The following SAMD3 variants were observed in gnomAD, a reference collection of about 807,000 sequenced individuals.
SAMD3 encodes sterile alpha motif domain containing 3.
SAMD3 carries 63 observed loss-of-function variants against 58.5 expected under a neutral mutation model. The ratio of observed to expected loss-of-function variants is 1.08; its 90% CI spans 0.88 to 1.33. The LOEUF is 1.33. SAMD3 is among the 40% of genes most tolerant of loss of function. The pLI is 0.00. For synonymous variants in SAMD3, 220 were observed against 210.3 expected, an observed-to-expected ratio of 1.05 and a Z score of -0.40; for missense variants, 604 against 608.4, an observed-to-expected ratio of 0.99 and a Z score of 0.08.
upstream of SAMD3, chr6:130,365,471 AGGGGGACCCCGGCCCGCCG>A (rs1310852216): frequency 1.0e-6 from 1 of 985,160 alleles, no homozygotes; most frequent in African/African-American, 1.7e-5. Flanking sequence ...GCAGCCCGCC[AGGGGGACCCCGGCCCGCCG>A]GGCGGCATCT....
chr6:130,155,344 A>T (rs1477566834), intron 8 of SAMD3, among the ~76,000 whole-genome samples: 1 of 152,240 alleles, frequency 6.6e-6, no homozygotes, highest in Admixed American at 6.5e-5. Flanking sequence ...TATGCATTTC[A>T]ATTTTAGAAG....
intron 9 of SAMD3, among the ~76,000 whole-genome samples, chr6:130,153,237 C>T (rs1214756344): frequency 6.6e-6 from 1 of 152,092 alleles, no homozygotes; most frequent in Non-Finnish European, 1.5e-5. Flanking sequence ...TTTCTAACAG[C>T]CAGAGATGAC....
At chr6:130,355,885 T>C (rs924161897) in intron 1 of SAMD3, among the ~76,000 whole-genome samples, 1 of 152,134 alleles carries the variant, frequency 6.6e-6, no homozygotes, top group African/African-American at 2.4e-5. Flanking sequence ...TAGTGAATAT[T>C]TGGAGAAACC....
intron 2 of SAMD3, among the ~76,000 whole-genome samples, chr6:130,242,750 T>C (rs1773406399): frequency 6.6e-6 from 1 of 152,114 alleles, no homozygotes; most frequent in South Asian, 2.1e-4. Context: ...TGAGGCACAA[T>C]AAGGACACTG....
chr6:130,307,202 A>T (rs1562511863), intron 2 of SAMD3, among the ~76,000 whole-genome samples: 1 of 152,256 alleles, frequency 6.6e-6, no homozygotes, highest in African/African-American at 2.4e-5. Flanking sequence ...GAGATTATAC[A>T]TGGGGTGAAT....
intron 2 of SAMD3, among the ~76,000 whole-genome samples, chr6:130,258,798 G>A (rs1224028705): frequency 7.9e-5 from 12 of 151,940 alleles, no homozygotes. Flanking sequence ...GATTGTTGTG[G>A]TTATATCCCA....
intron 4 of SAMD3, among the ~76,000 whole-genome samples, chr6:130,214,118 C>T (rs112645451): frequency 6.1e-4 from 93 of 152,214 alleles, no homozygotes; most frequent in African/African-American, 2.2e-3. Context: ...TAGGACATCC[C>T]TAATGATTGG....
chr6:130,350,302 T>G (rs1212675674), intron 1 of SAMD3, among the ~76,000 whole-genome samples: 2 of 152,144 alleles, frequency 1.3e-5, no homozygotes, highest in Non-Finnish European at 2.9e-5. Flanking sequence ...GCAGATGACA[T>G]GATTGTATAT....
At chr6:130,188,886 G>T (rs1431792716) in intron 5 of SAMD3, among the ~76,000 whole-genome samples, 5 of 151,886 alleles carry the variant, frequency 3.3e-5, no homozygotes, top group African/African-American at 4.8e-5. Context: ...ACATGGCTTG[G>T]TTCCTGCCCC....
chr6:130,360,324 G>T (rs1777947725), intron 1 of SAMD3, among the ~76,000 whole-genome samples: 1 of 152,156 alleles, frequency 6.6e-6, no homozygotes, highest in African/African-American at 2.4e-5. Flanking sequence ...TAGTCATGTA[G>T]GTCCTTTTCT....
At chr6:130,278,392 T>C (rs978867598) in intron 2 of SAMD3, among the ~76,000 whole-genome samples, 3 of 152,208 alleles carry the variant, frequency 2.0e-5, no homozygotes, top group Admixed American at 6.5e-5. Flanking sequence ...AATTACCGTT[T>C]CTCTATTGCA....
chr6:130,342,907 A>C (rs1207883160), intron 1 of SAMD3, among the ~76,000 whole-genome samples: 1 of 152,172 alleles, frequency 6.6e-6, no homozygotes, highest in Non-Finnish European at 1.5e-5. Context: ...TAGATGGTGA[A>C]CCTAGGACAT....
intron 5 of SAMD3, among the ~76,000 whole-genome samples, chr6:130,185,627 A>AG (rs768062843): frequency 0.028 from 4,059 of 142,814 alleles, 75 homozygotes; most frequent in Non-Finnish European, 0.04. Flanking sequence ...GCATCTGCCC[A>AG]ATTTTTTTTT....
At chr6:130,350,237 G>A (rs1215310027) in intron 1 of SAMD3, among the ~76,000 whole-genome samples, 5 of 152,140 alleles carry the variant, frequency 3.3e-5, no homozygotes, top group African/African-American at 1.2e-4. Context: ...TCAGGCAGGA[G>A]AAAGAAATAA....
intron 2 of SAMD3, among the ~76,000 whole-genome samples, chr6:130,259,872 T>C (rs1166072658): frequency 6.6e-6 from 1 of 152,168 alleles, no homozygotes; most frequent in Non-Finnish European, 1.5e-5. Flanking sequence ...TCCACTGAAA[T>C]TGTTCAATTT....
At chr6:130,308,394 T>C (rs1776005129) in intron 2 of SAMD3, among the ~76,000 whole-genome samples, 1 of 144,190 alleles carries the variant, frequency 6.9e-6, no homozygotes. Context: ...TATTCTATTC[T>C]ATTCTATTCT....
At chr6:130,151,221 G>A (rs1375558854) in intron 9 of SAMD3, among the ~76,000 whole-genome samples, 1 of 149,872 alleles carries the variant, frequency 6.7e-6, no homozygotes, top group Non-Finnish European at 1.5e-5. Flanking sequence ...TGTACAGTGA[G>A]CTAGAAAGTA....
chr6:130,184,594 C>T lies in SAMD3; in HGVS notation c.413G>A (p.Ser138Asn). 6.2e-7 allele frequency: 1 copy of T among 1,608,730 alleles called. No individual in the cohort carries two copies. The highest frequency in any genetic ancestry group is 8.5e-7 in the Non-Finnish European group (1 of 1,178,002). Residue 138 changes from serine to asparagine, a missense_variant, in exon 6 of 12, where the codon AGC becomes AAC. Ser to Asn is a conservative substitution (Grantham distance 46). Transcript: ENST00000439090. ...RRNVKQILAR[S>N]KALQWTKSYV... Reference sequence around the variant, plus strand: ...GGACTTCGTCCACTGTAATGCTTTGCTTCTTGCTAGAATTTGTTTCACATT... The same window carrying T: ...GGACTTCGTCCACTGTAATGCTTTGTTTCTTGCTAGAATTTGTTTCACATT...
chr6:130,222,545 T>C (rs908319091), intron 1 of SAMD3, 149 bp downstream of exon 1: 8 of 152,220 alleles, frequency 5.3e-5, no homozygotes, highest in Non-Finnish European at 1.0e-4. Flanking sequence ...AAGCATATAC[T>C]AGAAGGCAGA....
Sources: allele counts gnomAD v4.1 joint callset (sites outside exome capture counted in the v4.1 genomes callset), GRCh38; gene constraint gnomAD v4.1.1; transcripts MANE v1.5; gene names NCBI Gene and HGNC (gene_info 2026-07-23, HGNC 2026-07-21).